C1orf21: variants seen among roughly 807,000 people sequenced by gnomAD.
The protein encoded by C1orf21 is chromosome 1 open reading frame 21, also known as uncharacterized protein C1orf21.
C1orf21 carries 3 observed loss-of-function variants against 18.7 expected under a neutral mutation model. The observed-to-expected ratio is 0.16, with a 90% CI of 0.07 to 0.42. The LOEUF is 0.42. Among genes scored for constraint, C1orf21 ranks in the 10% least tolerant of loss-of-function variants. The probability of loss-of-function intolerance (pLI) is 0.99; values close to 1 mark genes in which losing one functional copy is unlikely to be tolerated. For synonymous variants in C1orf21, 41 were observed against 46.4 expected (o/e 0.88, Z 0.47); for missense variants, 104 against 143.6 (o/e 0.72, Z 1.41).
intron 3 of C1orf21, among the ~76,000 whole-genome samples, chr1:184,575,555 C>A (rs896961757): frequency 6.8e-5 from 10 of 147,680 alleles, no homozygotes; most frequent in Non-Finnish European, 1.0e-4. Flanking sequence ...GAAAACAATC[C>A]ATTTTTTCCA....
chr1:184,511,804 G>A (rs12141469), intron 3 of C1orf21, among the ~76,000 whole-genome samples: 35,047 of 151,668 alleles, frequency 0.23, 4,195 homozygotes, highest in African/African-American at 0.29. Context: ...TCACATGGTG[G>A]CAGGAGAGAG....
At chr1:184,518,903 A>G (rs1235965663) in intron 3 of C1orf21, among the ~76,000 whole-genome samples, 1 of 152,042 alleles carries the variant, frequency 6.6e-6, no homozygotes, top group East Asian at 1.9e-4. Flanking sequence ...GGCATATGAA[A>G]TTGGGAAACA....
At position 184,477,460 on chromosome 1, in the gene C1orf21, T is replaced by C. The variant is rs1304708838; in HGVS notation, c.-50T>C. On this transcript the variant is annotated 5_prime_UTR_variant, in exon 2 of 6. Coordinates refer to ENST00000235307, the MANE Select transcript of C1orf21 (RefSeq NM_030806.4). The stretch of plus-strand genomic sequence containing the variant: ...TAAAGAAAAAAAATGTCCCTGTGTC[T>C]GTAGAGATGATTTGCAGTTCAGCCC... 1 of 1,498,250 alleles carries C rather than the reference T, an allele frequency of 6.7e-7. No individual in the cohort carries two copies. The highest frequency in any genetic ancestry group is 1.4e-5 in the African/African-American group (1 of 71,920). 92.8% of individuals were successfully genotyped at this position (1,498,250 alleles called of 1,614,324 possible). A position where few individuals can be genotyped will look rare whatever the true frequency, so the allele number is the denominator to read the frequency against.
intron 4 of C1orf21, among the ~76,000 whole-genome samples, chr1:184,596,317 C>T (rs1026545749): frequency 6.6e-6 from 1 of 152,192 alleles, no homozygotes; most frequent in East Asian, 1.9e-4. Context: ...CCCCTGCTGA[C>T]AAACTCTGCT....
chr1:184,587,328 A>T (rs141152738), intron 3 of C1orf21, among the ~76,000 whole-genome samples: 1 of 148,622 alleles, frequency 6.7e-6, no homozygotes, highest in East Asian at 2.0e-4. Flanking sequence ...TTCTGTGAAG[A>T]CATTGGTAGT....
chr1:184,627,361 G>GC lies in C1orf21; in HGVS notation c.*7806dup, dbSNP rs1660032172. On this transcript the variant is annotated 3_prime_UTR_variant, in exon 6 of 6. Coordinates refer to ENST00000235307, the MANE Select transcript of C1orf21 (RefSeq NM_030806.4). ...TTAGGAGAAAGGAAAAGAATTAGAT[G>GC]CATCAGAATACCAGCTATAAGCCAA... is the stretch of plus-strand genomic sequence containing the variant. 1 of 152,078 alleles carries GC rather than the reference G, an allele frequency of 6.6e-6. No individual in the cohort carries two copies. Among genetic ancestry groups the GC allele is most frequent in the African/African-American group, 2.4e-5 (1 of 41,402 alleles). 9.4% of individuals were successfully genotyped at this position (152,078 alleles called of 1,614,324 possible).
intron 1 of C1orf21, among the ~76,000 whole-genome samples, chr1:184,450,524 T>C (rs563611097): frequency 6.6e-6 from 1 of 152,288 alleles, no homozygotes; most frequent in East Asian, 1.9e-4. Context: ...GCAGAGGTAA[T>C]ACTCCTAGTG....
At chr1:184,447,478 C>T (rs1246708773) in intron 1 of C1orf21, among the ~76,000 whole-genome samples, 2 of 152,164 alleles carry the variant, frequency 1.3e-5, no homozygotes, top group African/African-American at 4.8e-5. Flanking sequence ...TGTGCTTCAG[C>T]CCTATTCATT....
rs1219141495 is a variant in C1orf21 at position 184,477,549 on chromosome 1, A to G, written c.40A>G (p.Asn14Asp). Residue 14 changes from asparagine to aspartate, a missense_variant, in exon 2 of 6, where the codon AAT becomes GAT. Physicochemically the swap from Asn to Asp is conservative, Grantham distance 23. Coordinates refer to ENST00000235307, the MANE Select transcript of C1orf21 (RefSeq NM_030806.4). ...CGCCAAGCATGTTGCCACTGTTCAA[A>G]ATGAAGAGGAAGCCCAGAAAGGGAA... ...ASAKHVATVQNEEEAQKGKNY... is the reference protein window; with the variant it reads ...ASAKHVATVQDEEEAQKGKNY... The G allele has an allele frequency of 6.8e-6, 11 of 1,613,922 alleles. No homozygotes were observed. Among genetic ancestry groups the G allele is most frequent in the Non-Finnish European group, 9.3e-6 (11 of 1,179,942 alleles).
chr1:184,514,920 C>T lies in C1orf21; in HGVS notation c.189+7238C>T, dbSNP rs138645990. Among the ~76,000 whole-genome samples, 440 of 152,184 alleles carry T rather than the reference C, an allele frequency of 2.9e-3. 1 individual carries two copies. The highest frequency in any genetic ancestry group is 0.01 in the African/African-American group (420 of 41,516). On this transcript the variant is annotated intron_variant, in intron 3 of 5. Transcript: ENST00000235307. The stretch of plus-strand genomic sequence containing the variant: ...GCAACACTGTATTTTCTGTGGGTAT[C>T]CATATATGTATAGTTATTCATAGAT...
chr1:184,591,847 T>TTTA (rs2101999572), intron 4 of C1orf21, among the ~76,000 whole-genome samples: 1 of 151,634 alleles, frequency 6.6e-6, no homozygotes, highest in Admixed American at 6.6e-5. Flanking sequence ...GTAACTAAAC[T>TTTA]GTGGCATCTA....
At chr1:184,480,584 C>A (rs1389352616) in intron 2 of C1orf21, among the ~76,000 whole-genome samples, 1 of 152,156 alleles carries the variant, frequency 6.6e-6, no homozygotes, top group Non-Finnish European at 1.5e-5. Flanking sequence ...TTGTGTTAGT[C>A]AACTATTGCT....
At chr1:184,422,580 C>T (rs1204648294) in intron 1 of C1orf21, among the ~76,000 whole-genome samples, 1 of 152,158 alleles carries the variant, frequency 6.6e-6, no homozygotes, top group Non-Finnish European at 1.5e-5. Flanking sequence ...AGAAACTATG[C>T]TCTTAACCAC....
intron 2 of C1orf21, among the ~76,000 whole-genome samples, chr1:184,478,779 A>G (rs771704419): frequency 1.3e-5 from 2 of 152,240 alleles, no homozygotes; most frequent in Non-Finnish European, 2.9e-5. Flanking sequence ...AATTATTTTA[A>G]CAATAATACC....
At chr1:184,505,344 C>T (rs944793525) in intron 2 of C1orf21, among the ~76,000 whole-genome samples, 189 of 66,058 alleles carry the variant, frequency 2.9e-3, no homozygotes, top group South Asian at 0.019. Context: ...TATATATACA[C>T]ACATGCCATA....
chr1:184,507,502 A>T, intron 2 of C1orf21, 86 bp from the exon 3 acceptor site: 1 of 1,158,446 alleles, frequency 8.6e-7, no homozygotes, highest in Non-Finnish European at 1.2e-6. Flanking sequence ...GGGTCTAGCA[A>T]ATTACACTAT....
intron 1 of C1orf21, among the ~76,000 whole-genome samples, chr1:184,398,980 T>C (rs1435941444): frequency 1.3e-5 from 2 of 152,196 alleles, no homozygotes; most frequent in African/African-American, 4.8e-5. Flanking sequence ...ATGTCTAATT[T>C]CTAACAGTAA....
intron 3 of C1orf21, among the ~76,000 whole-genome samples, chr1:184,545,392 T>G (rs1166239281): frequency 2.0e-5 from 3 of 152,230 alleles, no homozygotes; most frequent in Non-Finnish European, 4.4e-5. Flanking sequence ...TTTAGATAAA[T>G]TTAAAATATA....
intron 3 of C1orf21, among the ~76,000 whole-genome samples, chr1:184,571,930 C>T (rs191735376): frequency 6.6e-6 from 1 of 152,232 alleles, no homozygotes; most frequent in Non-Finnish European, 1.5e-5. Flanking sequence ...TGTGGGAATG[C>T]TTACCTCATA....
Sources: allele counts gnomAD v4.1 joint callset (sites outside exome capture counted in the v4.1 genomes callset), GRCh38; gene constraint gnomAD v4.1.1; transcripts MANE v1.5; gene names NCBI Gene and HGNC (gene_info 2026-07-23, HGNC 2026-07-21).